The following KRT83 variants were observed in gnomAD, a reference collection of about 807,000 sequenced individuals.
KRT83 encodes keratin, type II cuticular Hb3.
Under a neutral mutation model 52.9 loss-of-function variants are expected in KRT83, and 51 were observed. The observed-to-expected ratio is 0.96, with a 90% confidence interval of 0.77 to 1.22. KRT83 has a LOEUF of 1.22. Ranked by LOEUF, KRT83 falls within the 50% of genes most tolerant of loss-of-function variation. KRT83 has a pLI of 0.00. For synonymous variants in KRT83, 278 were observed against 274.1 expected, an observed-to-expected ratio of 1.01 and a Z score of -0.14; for missense variants, 654 against 666.5, an observed-to-expected ratio of 0.98 and a Z score of 0.21.
intron 2 of KRT83, among the ~76,000 whole-genome samples, chr12:52,318,796 C>T (rs1456755926): frequency 6.6e-6 from 1 of 152,186 alleles, no homozygotes; most frequent in East Asian, 1.9e-4. Context: ...GTCACTATCA[C>T]CAGCACAGCG....
At chr12:52,320,557 C>T (rs1199090321) in intron 1 of KRT83, among the ~76,000 whole-genome samples, 2 of 152,192 alleles carry the variant, frequency 1.3e-5, no homozygotes, top group Admixed American at 6.5e-5. Flanking sequence ...GTGCCATCCA[C>T]GAGACCCACT....
In KRT83 at chr12:52,321,314, T is replaced by C. The variant is rs1298012497; in HGVS notation, c.22A>G (p.Ile8Val). MTCGFNSIGCGFRPGNFS... is the reference protein window; with the variant it reads MTCGFNSVGCGFRPGNFS... Reference sequence around the variant, plus strand: ...TTTCCAGGGCGGAACCCACAGCCTATGGAGTTGAAGCCACAGGTCATGACG... The same window carrying C: ...TTTCCAGGGCGGAACCCACAGCCTACGGAGTTGAAGCCACAGGTCATGACG... Residue 8 changes from isoleucine (I) to valine (V), a missense_variant, in exon 1 of 9, where the codon ATA becomes GTA. Physicochemically the swap from Ile to Val is conservative, Grantham distance 29. Transcript: ENST00000293670. 3.7e-6 allele frequency: 6 copies of C among 1,613,654 alleles called. No individual in the cohort carries two copies. Among genetic ancestry groups the C allele is most frequent in the Non-Finnish European group, 5.1e-6 (6 of 1,180,020 alleles).
chr12:52,318,396 T>C (rs114762592), intron 2 of KRT83, among the ~76,000 whole-genome samples: 10 of 152,124 alleles, frequency 6.6e-5, no homozygotes, highest in African/African-American at 2.2e-4. Flanking sequence ...AAGCTGAGTG[T>C]GTGAATGTGT....
chr12:52,314,367 A>T lies in KRT83; in HGVS notation c.*264T>A, dbSNP rs1447815053. ...AGAGAGGCAGGGGGAACAGTCTCACAGTGCTTCTTCCAGGGAAGCAAGGCC... is the reference window on the plus strand; with the variant it reads ...AGAGAGGCAGGGGGAACAGTCTCACTGTGCTTCTTCCAGGGAAGCAAGGCC... On this transcript the variant is annotated 3_prime_UTR_variant, in exon 9 of 9. Transcript: ENST00000293670. 8.9e-6 allele frequency: 5 copies of T among 560,806 alleles called. No individual in the cohort carries two copies. The African/African-American group carries it at 9.4e-5, about 11-fold the overall frequency. 34.7% of individuals were successfully genotyped at this position (560,806 alleles called of 1,614,324 possible). A position where few individuals can be genotyped will look rare whatever the true frequency, so the allele number is the denominator to read the frequency against.
rs754844434 is a variant in KRT83, at chr12:52,316,022, C to A, written c.1133G>T (p.Gly378Val). Residue 378 changes from glycine (G) to valine (V), a missense_variant, in exon 7 of 9, where the codon GGC (glycine) becomes GTC (valine). Gly to Val is a moderately radical substitution (Grantham distance 109). Coordinates refer to ENST00000293670, the MANE Select transcript of KRT83 (RefSeq NM_002282.3). ...DARCKLAELE[G>V]ALQKAKQDMA... is the part of the protein sequence containing the mutation. ...GTCTTGCTTGGCCTTCTGCAGGGCG[C>A]CCTCCAGCTCGGCCAGCTTGCAGCG... is the stretch of plus-strand genomic sequence containing the variant. 2.5e-6 allele frequency: 4 copies of A among 1,613,406 alleles called. No individual in the cohort carries two copies. The highest frequency in any genetic ancestry group is 1.3e-5 in the African/African-American group (1 of 74,910).
chr12:52,314,931 C>G, intron 8 of KRT83, 113 bp from the exon 9 acceptor site: 1 of 1,080,792 alleles, frequency 9.3e-7, no homozygotes, highest in Non-Finnish European at 1.3e-6. Context: ...CAAAGAGCCT[C>G]CAGTTCTATT....
In KRT83 at chr12:52,317,741, C is replaced by T. The variant is rs1205384899; in HGVS notation, c.690G>A (p.Leu230=). Residue 230 remains leucine, a synonymous_variant, in exon 4 of 9, where the codon CTG becomes CTA. Transcript: ENST00000293670. ...VDCAYLRKSD[L]EANVEALIQE... Reference sequence around the variant, plus strand: ...GGATCAGGGCCTCCACGTTGGCCTCCAGGTCTGACTTGCGGAGGTAGGCGC... The same window carrying T: ...GGATCAGGGCCTCCACGTTGGCCTCTAGGTCTGACTTGCGGAGGTAGGCGC... 3.1e-6 allele frequency: 5 copies of T among 1,613,600 alleles called. No individual in the cohort carries two copies. In the African/African-American group the frequency reaches 5.3e-5, roughly 17 times the overall value.
At chr12:52,319,430 A>G in intron 1 of KRT83, 66 bp from the exon 2 acceptor site, 1 of 1,604,396 alleles carries the variant, frequency 6.2e-7, no homozygotes, top group Non-Finnish European at 8.5e-7. Context: ...AGGGGTTCCC[A>G]GCACGAGGGC....
Position 52,319,224 on chromosome 12 carries a change from C to T in KRT83, c.525G>A (p.Glu175=), listed in dbSNP as rs150975843. ...ETLRREAECV[E]ADSGRLASEL... ...CTGAGGCCAGCCTCCCACTGTCAGC[C>T]TCCACGCACTCGGCCTCCCGCCGCA... is the stretch of plus-strand genomic sequence containing the variant. Residue 175 remains glutamate, a synonymous_variant, in exon 2 of 9, where the codon GAG becomes GAA. Coordinates refer to ENST00000293670, the MANE Select transcript of KRT83 (RefSeq NM_002282.3). 5.0e-6 allele frequency: 8 copies of T among 1,613,656 alleles called. No individual in the cohort carries two copies. Among genetic ancestry groups the T allele is most frequent in the Non-Finnish European group, 6.8e-6 (8 of 1,179,898 alleles).
chr12:52,320,904 G>A, intron 1 of KRT83, 48 bp downstream of exon 1: 1 of 1,613,624 alleles, frequency 6.2e-7, no homozygotes, highest in Non-Finnish European at 8.5e-7. Context: ...CCTGAGTTCT[G>A]AACATGAGTA....
Position 52,321,343 on chromosome 12 carries a change from G to T in KRT83, c.-8C>A, listed in dbSNP as rs200214916. ...GTTGAAGCCACAGGTCATGACGGAG[G>T]TTAGGAGGTGTCTGAACAGTGGAGT... On this transcript the variant is annotated 5_prime_UTR_variant, in exon 1 of 9. Transcript: ENST00000293670. The T allele has an allele frequency of 5.6e-6, 9 of 1,613,702 alleles. No homozygotes were observed. Among genetic ancestry groups the T allele is most frequent in the Admixed American group, 3.3e-5 (2 of 60,036 alleles).
At position 52,317,941 on chromosome 12, in the gene KRT83, G is replaced by A. The variant is rs143530888; in HGVS notation, c.623C>T (p.Thr208Ile). 1 of 1,614,034 alleles carries A rather than the reference G, an allele frequency of 6.2e-7. No individual in the cohort carries two copies. The highest frequency in any genetic ancestry group is 1.3e-5 in the African/African-American group (1 of 74,902). The change falls in exon 3 of 9, where the codon ACA (threonine) becomes ATA (isoleucine). Residue 208 changes from threonine (T) to isoleucine (I), a missense_variant. Thr to Ile is a moderately conservative substitution (Grantham distance 89). Coordinates refer to ENST00000293670, the MANE Select transcript of KRT83 (RefSeq NM_002282.3). ...KYEEEVALRA[T>I]AENEFVALKK... ...TAGAGCCACAAACTCGTTCTCTGCTGTGGCTCGAAGTGCTACTTCTTCTTC... is the reference window on the plus strand; with the variant it reads ...TAGAGCCACAAACTCGTTCTCTGCTATGGCTCGAAGTGCTACTTCTTCTTC...
intron 1 of KRT83, among the ~76,000 whole-genome samples, chr12:52,320,734 T>A (rs1938755333): frequency 6.6e-6 from 1 of 152,194 alleles, no homozygotes; most frequent in Non-Finnish European, 1.5e-5. Context: ...TGCCCCTCGT[T>A]CTGCTTTTGT....
Position 52,314,790 on chromosome 12 carries a change from C to T in KRT83, c.1323G>A (p.Val441=), listed in dbSNP as rs1938661790. ...VCVSSSRGGV[V]CGDLCVSGSR... ...AGCCCGACACGCAGAGATCCCCGCA[C>T]ACAACCCCACCCCGGGAGCTGCTGA... Residue 441 remains valine (V), a synonymous_variant, in exon 9 of 9, where the codon GTG becomes GTA. Transcript: ENST00000293670. 4 of 1,607,162 alleles carry T rather than the reference C, an allele frequency of 2.5e-6. No homozygotes were observed. Among genetic ancestry groups the T allele is most frequent in the South Asian group, 2.2e-5 (2 of 89,116 alleles).
chr12:52,314,398 C>T lies in KRT83; in HGVS notation c.*233G>A. On this transcript the variant is annotated 3_prime_UTR_variant, in exon 9 of 9. Coordinates refer to ENST00000293670, the MANE Select transcript of KRT83 (RefSeq NM_002282.3). ...TCTTCCAGGGAAGCAAGGCCCTTCT[C>T]CCCGGGAGGGGCTGAAGGCTGAGAC... 1 of 596,446 alleles carries T rather than the reference C, an allele frequency of 1.7e-6. No individual in the cohort carries two copies. Among genetic ancestry groups the T allele is most frequent in the South Asian group, 1.9e-5 (1 of 51,852 alleles). 36.9% of individuals were successfully genotyped at this position (596,446 alleles called of 1,614,324 possible).
intron 3 of KRT83, 29 bp downstream of exon 3, chr12:52,317,881 G>A (rs902097949): frequency 5.0e-6 from 8 of 1,613,210 alleles, no homozygotes; most frequent in East Asian, 2.2e-5. Flanking sequence ...GACTCAGGGC[G>A]GGCTCAGGGC....
rs535186700 is a variant in KRT83, at chr12:52,314,608, C to A, written c.*23G>T. 3.9e-4 allele frequency: 609 copies of A among 1,551,970 alleles called. No individual in the cohort carries two copies. The highest frequency in any genetic ancestry group is 2.9e-3 in the Middle Eastern group (13 of 4,506). ...GCACGTCTGGCAGGCAGAAGGGGCT[C>A]CCCTGGCTCTCTTTTGGGCCACTTA... On this transcript the variant is annotated 3_prime_UTR_variant, in exon 9 of 9. Coordinates refer to ENST00000293670, the MANE Select transcript of KRT83 (RefSeq NM_002282.3).
At position 52,321,258 on chromosome 12, in the gene KRT83, C is replaced by A; in HGVS notation, c.78G>T (p.Arg26=). Residue 26 remains arginine (R), a synonymous_variant, in exon 1 of 9, where the codon CGG becomes CGT. Coordinates refer to ENST00000293670, the MANE Select transcript of KRT83 (RefSeq NM_002282.3). ...NFSCVSACGP[R]PSRCCITAAP... The stretch of plus-strand genomic sequence containing the variant: ...CGGCGGTGATGCAGCAGCGGCTTGG[C>A]CGGGGCCCGCAGGCAGAGACACAGC... 5.6e-6 allele frequency: 9 copies of A among 1,613,342 alleles called. No homozygotes were observed. The highest frequency in any genetic ancestry group is 7.6e-6 in the Non-Finnish European group (9 of 1,179,906).
In KRT83 at chr12:52,320,825, T is replaced by C. The variant is rs563476734; in HGVS notation, c.384+127A>G. The C allele has an allele frequency of 7.8e-5, 124 of 1,580,008 alleles. 1 individual carries two copies. Among genetic ancestry groups the C allele is most frequent in the Admixed American group, 3.5e-4 (21 of 59,718 alleles). ...TCTGTCTGTGTCCTAGAAGTATGAC[T>C]ACCTTTCCCTTTGGCCTGGGAACTT... is the stretch of plus-strand genomic sequence containing the variant. On this transcript the variant is annotated intron_variant, in intron 1 of 8. Coordinates refer to ENST00000293670, the MANE Select transcript of KRT83 (RefSeq NM_002282.3).
Sources: allele counts gnomAD v4.1 joint callset (sites outside exome capture counted in the v4.1 genomes callset), GRCh38; gene constraint gnomAD v4.1.1; transcripts MANE v1.5; gene names NCBI Gene and HGNC (gene_info 2026-07-23, HGNC 2026-07-21).